PPFIA1: variants seen among roughly 807,000 people sequenced by gnomAD.
The protein encoded by PPFIA1 is PPFI scaffold protein A1.
PPFIA1 carries 25 observed loss-of-function variants against 149.9 expected under a neutral mutation model. The observed-to-expected ratio is 0.17, with a 90% CI of 0.12 to 0.23. PPFIA1 has a LOEUF of 0.23. Among genes scored for constraint, PPFIA1 ranks in the 10% least tolerant of loss-of-function variants. The pLI, the probability that PPFIA1 is intolerant of heterozygous loss-of-function variation, is 1.00. For missense variants in PPFIA1, 1,362 were observed against 1,506.5 expected, an observed-to-expected ratio of 0.90 and a Z score of 1.59; for synonymous variants, 549 against 552.8, an observed-to-expected ratio of 0.99 and a Z score of 0.10.
At chr11:70,324,362 GTCTT>G in intron 2 of PPFIA1, 36 bp from the exon 3 acceptor site, 3 of 1,468,808 alleles carry the variant, frequency 2.0e-6, no homozygotes, top group South Asian at 2.4e-5. Flanking sequence ...TCTTTAGGGG[GTCTT>G]TCTTATTTAT....
intron 2 of PPFIA1, among the ~76,000 whole-genome samples, chr11:70,281,161 C>G (rs151162312): frequency 1.9e-3 from 293 of 152,132 alleles, no homozygotes; most frequent in African/African-American, 6.6e-3. Context: ...TGATAACGCC[C>G]ATTTTTGTTT....
At chr11:70,272,972 G>A (rs961444128) in intron 2 of PPFIA1, among the ~76,000 whole-genome samples, 2 of 152,180 alleles carry the variant, frequency 1.3e-5, no homozygotes, top group Non-Finnish European at 2.9e-5. Context: ...CTTTTTCCTT[G>A]GCAGATGAGA....
At chr11:70,361,799 T>A (rs527625435) in intron 19 of PPFIA1, among the ~76,000 whole-genome samples, 6,113 of 150,716 alleles carry the variant, frequency 0.041, 449 homozygotes, top group African/African-American at 0.14. Flanking sequence ...TTTTTTTTTT[T>A]AATTTTTGTA....
At chr11:70,332,990 G>A (rs1386850290) in intron 9 of PPFIA1, 3 of 450,958 alleles carry the variant, frequency 6.7e-6, no homozygotes, top group South Asian at 4.7e-5. Context: ...TTTCTCCCCT[G>A]TTATCTTTCC....
At chr11:70,283,816 G>A in intron 2 of PPFIA1, 1 of 392,026 alleles carries the variant, frequency 2.6e-6, no homozygotes, top group Non-Finnish European at 5.1e-6. Flanking sequence ...CTGGTGTTTG[G>A]TGGTGTTGAG....
chr11:70,298,096 A>C (rs542945592), intron 2 of PPFIA1, among the ~76,000 whole-genome samples: 8 of 152,196 alleles, frequency 5.3e-5, no homozygotes, highest in African/African-American at 1.7e-4. Context: ...GAAAGAAAAA[A>C]GAACACATAT....
intron 2 of PPFIA1, among the ~76,000 whole-genome samples, chr11:70,279,650 G>C (rs2050621872): frequency 6.7e-6 from 1 of 150,122 alleles, no homozygotes; most frequent in Non-Finnish European, 1.5e-5. Context: ...TATACATTAG[G>C]CTTTTATCAT....
At chr11:70,378,769 T>C (rs2057588568) in intron 26 of PPFIA1, among the ~76,000 whole-genome samples, 1 of 152,208 alleles carries the variant, frequency 6.6e-6, no homozygotes, top group Non-Finnish European at 1.5e-5. Flanking sequence ...AGCTATTGAC[T>C]ATACCAGCCA....
At chr11:70,310,712 C>CT (rs1356732321) in intron 2 of PPFIA1, among the ~76,000 whole-genome samples, 1 of 152,116 alleles carries the variant, frequency 6.6e-6, no homozygotes, top group African/African-American at 2.4e-5. Flanking sequence ...GCACTAAGGG[C>CT]TTTTTTCCTC....
intron 16 of PPFIA1, 104 bp downstream of exon 16, chr11:70,348,524 C>T (rs1565430381): frequency 1.1e-6 from 1 of 923,708 alleles, no homozygotes; most frequent in Non-Finnish European, 1.7e-6. Context: ...ATTCGTTATT[C>T]TAAGAGGTTC....
Position 70,374,971 on chromosome 11 carries a change from C to T in PPFIA1, c.3193C>T (p.Leu1065Phe). The change falls in exon 24 of 28, where the codon CTT becomes TTT. Residue 1065 changes from leucine (L) to phenylalanine (F), a missense_variant. Transcript: ENST00000253925. ...GATTCGCTGGATCCTGTCAATTGGC[C>T]TTAAAGAATATGCAAACAATCTTAT... ...RVIRWILSIG[L>F]KEYANNLIES... 1 of 1,613,592 alleles carries T rather than the reference C, an allele frequency of 6.2e-7. No individual in the cohort carries two copies. Among genetic ancestry groups the T allele is most frequent in the Non-Finnish European group, 8.5e-7 (1 of 1,179,876 alleles).
intron 2 of PPFIA1, among the ~76,000 whole-genome samples, chr11:70,323,820 T>C (rs1479179037): frequency 6.6e-6 from 1 of 152,160 alleles, no homozygotes. Flanking sequence ...AATATTACTT[T>C]AGAAGAGAGG....
At chr11:70,356,855 G>A (rs1247867013) in intron 19 of PPFIA1, among the ~76,000 whole-genome samples, 1 of 152,146 alleles carries the variant, frequency 6.6e-6, no homozygotes, top group Non-Finnish European at 1.5e-5. Context: ...ATAGACTCCT[G>A]ATTTTATAGC....
At chr11:70,332,761 C>T (rs2054743452) in intron 9 of PPFIA1, among the ~76,000 whole-genome samples, 1 of 152,180 alleles carries the variant, frequency 6.6e-6, no homozygotes, top group African/African-American at 2.4e-5. Context: ...GGGAGCCCAG[C>T]ACTGCAGTGC....
At chr11:70,341,448 C>T (rs680086) in intron 14 of PPFIA1, among the ~76,000 whole-genome samples, 1,540 of 152,068 alleles carry the variant, frequency 0.01, 16 homozygotes, top group Middle Eastern at 0.02. Flanking sequence ...CTTGAACAGC[C>T]GGAAGGATGG....
chr11:70,349,055 C>T (rs12099016), intron 16 of PPFIA1, among the ~76,000 whole-genome samples: 3 of 147,232 alleles, frequency 2.0e-5, no homozygotes, highest in Non-Finnish European at 4.4e-5. Context: ...GACATCAGAG[C>T]ATATGGGAAA....
At chr11:70,276,463 G>T (rs572160390) in intron 2 of PPFIA1, among the ~76,000 whole-genome samples, 27 of 152,190 alleles carry the variant, frequency 1.8e-4, no homozygotes, top group Admixed American at 3.9e-4. Context: ...TTATATTCAC[G>T]AGAAAGATTG....
At position 70,272,370 on chromosome 11, in the gene PPFIA1, G is replaced by C; in HGVS notation, c.198G>C (p.Gly66=). The C allele has an allele frequency of 6.2e-7, 1 of 1,614,188 alleles. No individual in the cohort carries two copies. The highest frequency in any genetic ancestry group is 8.5e-7 in the Non-Finnish European group (1 of 1,180,024). ...ETQETLALTQ[G]KLHEVGHERD... ...AAGAAACGCTGGCCTTAACCCAGGG[G>C]AAGTTACACGAGGTTGGTCATGAAA... Residue 66 remains glycine (G), a synonymous_variant, in exon 2 of 28, where the codon GGG becomes GGC. Transcript: ENST00000253925.
intron 26 of PPFIA1, among the ~76,000 whole-genome samples, chr11:70,378,783 A>G (rs1353897899): frequency 6.6e-6 from 1 of 152,218 alleles, no homozygotes; most frequent in Non-Finnish European, 1.5e-5. Context: ...CCAGCCAGAG[A>G]GAGAGCATCA....
Sources: allele counts gnomAD v4.1 joint callset (sites outside exome capture counted in the v4.1 genomes callset), GRCh38; gene constraint gnomAD v4.1.1; transcripts MANE v1.5; gene names NCBI Gene and HGNC (gene_info 2026-07-23, HGNC 2026-07-21).